ITGAE: variants seen among roughly 807,000 people sequenced by gnomAD.
The protein encoded by ITGAE is integrin alpha-E.
A neutral mutation model predicts 136.5 loss-of-function variants in ITGAE; 99 were observed. The ratio of observed to expected loss-of-function variants is 0.73; its 90% confidence interval spans 0.62 to 0.86. The LOEUF is 0.86. Ranked by LOEUF, ITGAE falls within the 40% of genes least tolerant of loss-of-function variation. ITGAE has a pLI of 0.00. For missense variants in ITGAE, 1,447 were observed against 1,515.3 expected (o/e 0.95, Z 0.75); for synonymous variants, 613 against 591.8 (o/e 1.04, Z -0.52).
intron 2 of ITGAE, among the ~76,000 whole-genome samples, chr17:3,776,722 C>T (rs544818264): frequency 1.1e-4 from 17 of 150,208 alleles, no homozygotes; most frequent in Admixed American, 5.3e-4. Context: ...CATGCCCAGA[C>T]AGTTTTTGGT....
chr17:3,724,496 C>G, intron 26 of ITGAE: 1 of 1,614,000 alleles, frequency 6.2e-7, no homozygotes, highest in Non-Finnish European at 8.5e-7. Flanking sequence ...ACAGTGTCAT[C>G]TCGATCGGCA....
In ITGAE at chr17:3,750,535, C is replaced by T. The variant is rs796324650; in HGVS notation, c.1894-53G>A. The T allele has an allele frequency of 1.1e-5, 18 of 1,604,920 alleles. No individual in the cohort carries two copies. In the East Asian group the frequency reaches 1.3e-4, roughly 12 times the overall value. On this transcript the variant is annotated intron_variant, in intron 15 of 30. Transcript: ENST00000263087. Reference sequence around the variant, plus strand: ...GGCGAGGGAAGGGAGGGAAACGGGGCGGGGAGTCCTTTCATGATCTATCCC... The same window carrying T: ...GGCGAGGGAAGGGAGGGAAACGGGGTGGGGAGTCCTTTCATGATCTATCCC...
chr17:3,731,006 G>A (rs1013901567), intron 23 of ITGAE, 98 bp downstream of exon 23: 4 of 927,610 alleles, frequency 4.3e-6, no homozygotes, highest in African/African-American at 1.6e-5. Flanking sequence ...CTTTCTCCCT[G>A]GGCTGTAAGG....
At chr17:3,737,654 C>T (rs563616104) in intron 20 of ITGAE, among the ~76,000 whole-genome samples, 6 of 152,262 alleles carry the variant, frequency 3.9e-5, no homozygotes, top group East Asian at 1.9e-4. Context: ...ATATTAACAG[C>T]GTTGCCTAAT....
intron 1 of ITGAE, among the ~76,000 whole-genome samples, chr17:3,794,693 C>T (rs527884513): frequency 1.6e-3 from 250 of 152,272 alleles, no homozygotes; most frequent in Non-Finnish European, 3.3e-3. Flanking sequence ...GTCTGGGCTC[C>T]GGCCCCGGGG....
intron 2 of ITGAE, among the ~76,000 whole-genome samples, chr17:3,777,289 C>A (rs983550808): frequency 1.1e-4 from 16 of 152,226 alleles, no homozygotes; most frequent in Admixed American, 9.2e-4. Flanking sequence ...TCCACCCTCC[C>A]CCTGGGCAAT....
At chr17:3,735,047 G>T in intron 20 of ITGAE, 98 bp from the exon 21 acceptor site, 1 of 1,383,698 alleles carries the variant, frequency 7.2e-7, no homozygotes, top group Non-Finnish European at 1.0e-6. Flanking sequence ...GCGTGGTGCT[G>T]TGGTGCAATG....
At chr17:3,718,050 T>A (rs144986593) in intron 29 of ITGAE, 1 of 152,324 alleles carries the variant, frequency 6.6e-6, no homozygotes, top group East Asian at 1.9e-4. Context: ...GATGCCCAAG[T>A]AGAGGTTAAG....
At position 3,745,825 on chromosome 17, in the gene ITGAE, C is replaced by T; in HGVS notation, c.2258G>A (p.Arg753Lys). Residue 753 changes from arginine (R) to lysine (K), a missense_variant, in exon 18 of 31, where the codon AGG becomes AAG. Around this residue, in one of 3 missense-constraint regions of ITGAE, gnomAD observed 1,031 missense variants for 1,011.4 expected, o/e 1.02. Transcript: ENST00000263087. ...AAGCTGGGATCCGCTGCTCCACTCC[C>T]TCAGGCAGCCCAGACAGCTTCTTAC... ...SDVRSCLGCL[R>K]EWSSGSQLCE... 1 of 1,614,136 alleles carries T rather than the reference C, an allele frequency of 6.2e-7. No homozygotes were observed. The highest frequency in any genetic ancestry group is 1.1e-5 in the South Asian group (1 of 91,082).
intron 19 of ITGAE, among the ~76,000 whole-genome samples, chr17:3,743,286 C>T (rs1183621066): frequency 2.6e-5 from 4 of 152,236 alleles, no homozygotes; most frequent in Non-Finnish European, 5.9e-5. Context: ...AGATGGAGAC[C>T]TGCGTTACCC....
rs942536655 is a variant in ITGAE at position 3,767,024 on chromosome 17, C to T, written c.156-3064G>A. 4.6e-5 allele frequency among the ~76,000 whole-genome samples: 7 copies of T among 151,876 alleles called. No individual in the cohort carries two copies. In the East Asian group the frequency reaches 9.7e-4, roughly 21 times the overall value. Reference sequence around the variant, plus strand: ...CAAAACCCAGGAGGCATCCTCACTTCGTCGTGTTTTCACTCATGCCCTACA... The same window carrying T: ...CAAAACCCAGGAGGCATCCTCACTTTGTCGTGTTTTCACTCATGCCCTACA... On this transcript the variant is annotated intron_variant, in intron 2 of 30. Coordinates refer to ENST00000263087, the MANE Select transcript of ITGAE (RefSeq NM_002208.5).
Position 3,727,963 on chromosome 17 carries a change from G to A in ITGAE, c.3040C>T (p.Arg1014Ter), listed in dbSNP as rs1567515189. 6.2e-7 allele frequency: 1 copy of A among 1,614,046 alleles called. No homozygotes were observed. The highest frequency in any genetic ancestry group is 2.2e-5 in the East Asian group (1 of 44,890). The change falls in exon 26 of 31, where the codon CGA becomes TGA. Residue 1014 changes from arginine to a stop codon, truncating the protein, a stop_gained. Coordinates refer to ENST00000263087, the MANE Select transcript of ITGAE (RefSeq NM_002208.5). LOFTEE classifies it high-confidence loss of function. ...TTCACTGCTACAACCTGGAGACCTC[G>A]TAATTTGGTTGGGACGCAAATTTGC... ...QLQICVPTKL[R>*]GLQVVAVKKL...
At chr17:3,724,859 C>A in intron 26 of ITGAE, 1 of 1,613,930 alleles carries the variant, frequency 6.2e-7, no homozygotes, top group Non-Finnish European at 8.5e-7. Flanking sequence ...TTCAAGAGGC[C>A]GTCCGGAGAG....
At chr17:3,746,884 C>A (rs998015243) in intron 17 of ITGAE, among the ~76,000 whole-genome samples, 1 of 152,240 alleles carries the variant, frequency 6.6e-6, no homozygotes, top group Admixed American at 6.5e-5. Context: ...AGCTACCACA[C>A]CCGGCCAGGT....
In ITGAE at chr17:3,747,429, T is replaced by A. The variant is rs557468756; in HGVS notation, c.2155+493A>T. Among the ~76,000 whole-genome samples, 3 of 152,094 alleles carry A rather than the reference T, an allele frequency of 2.0e-5. No homozygotes were observed. The East Asian group carries it at 5.8e-4, about 29-fold the overall frequency. On this transcript the variant is annotated intron_variant, in intron 17 of 30. Coordinates refer to ENST00000263087, the MANE Select transcript of ITGAE (RefSeq NM_002208.5). ...GTCTCCTGGGTTCATGCTATTCTCCTGCCTCAGCCTCCCGAGTAGCTGGGA... is the reference window on the plus strand; with the variant it reads ...GTCTCCTGGGTTCATGCTATTCTCCAGCCTCAGCCTCCCGAGTAGCTGGGA...
intron 1 of ITGAE, among the ~76,000 whole-genome samples, chr17:3,795,989 C>CCGTGTGTGCATCTG (rs1555528585): frequency 6.3e-5 from 8 of 127,096 alleles, no homozygotes; most frequent in East Asian, 2.5e-4. Context: ...GTGTGTGCAT[C>CCGTGTGTGCATCTG]TGTGTGTGCA....
chr17:3,786,935 T>C (rs976054670), intron 1 of ITGAE, among the ~76,000 whole-genome samples: 5 of 147,654 alleles, frequency 3.4e-5, no homozygotes, highest in Non-Finnish European at 7.4e-5. Flanking sequence ...ACAAGCAGAG[T>C]TCATTTCGGA....
chr17:3,728,368 C>CTTCTTT (rs2051264314), intron 24 of ITGAE, 200 bp from the exon 25 acceptor site: 1 of 165,536 alleles, frequency 6.0e-6, no homozygotes, highest in Non-Finnish European at 1.1e-5. Flanking sequence ...ACACTCATCC[C>CTTCTTT]TTTTTTTTTT....
At chr17:3,786,143 G>T (rs1246222347) in intron 1 of ITGAE, among the ~76,000 whole-genome samples, 3 of 148,856 alleles carry the variant, frequency 2.0e-5, no homozygotes, top group Non-Finnish European at 4.5e-5. Context: ...CTCCAGCCTG[G>T]GTGACAGAGA....
Sources: allele counts gnomAD v4.1 joint callset (sites outside exome capture counted in the v4.1 genomes callset), GRCh38; gene constraint gnomAD v4.1.1; regional missense constraint gnomAD v4.1.1; transcripts MANE v1.5; gene names NCBI Gene and HGNC (gene_info 2026-07-23, HGNC 2026-07-21).